Variants in BMPR1A observed in about 807,000 individuals in gnomAD.
BMPR1A encodes bone morphogenetic protein receptor type 1A, also known as bone morphogenetic protein receptor type-1A.
Under a neutral mutation model 66.0 loss-of-function variants are expected in BMPR1A, and 7 were observed. The observed-to-expected ratio is 0.11, with a 90% CI of 0.06 to 0.20. The LOEUF (loss-of-function observed/expected upper bound fraction) is 0.20. Ranked by LOEUF, BMPR1A falls within the 10% of genes least tolerant of loss-of-function variation. The pLI, the probability that BMPR1A is intolerant of heterozygous loss-of-function variation, is 1.00. For synonymous variants in BMPR1A, 200 were observed against 229.7 expected (o/e 0.87, Z 1.17); for missense variants, 408 against 669.1 (o/e 0.61, Z 4.31).
intron 2 of BMPR1A, among the ~76,000 whole-genome samples, chr10:86,851,609 GTTGGGAT>G (rs1192956560): frequency 2.0e-5 from 3 of 152,208 alleles, no homozygotes; most frequent in African/African-American, 7.2e-5. Context: ...AGCCTAATGA[GTTGGGAT>G]TGAGGATTGC....
intron 1 of BMPR1A, among the ~76,000 whole-genome samples, chr10:86,757,229 G>C (rs1474979738): frequency 6.6e-6 from 1 of 152,158 alleles, no homozygotes; most frequent in Non-Finnish European, 1.5e-5. Context: ...CCTTAAATGG[G>C]AAAGGCGCTC....
intron 2 of BMPR1A, chr10:86,843,566 G>C (rs1842450297): frequency 6.6e-6 from 1 of 152,206 alleles, no homozygotes; most frequent in Non-Finnish European, 1.5e-5. Flanking sequence ...CAAAAGTGAG[G>C]AATGCCACAG....
chr10:86,799,457 T>TTCCTTC (rs1841774865), intron 1 of BMPR1A, among the ~76,000 whole-genome samples: 6 of 144,230 alleles, frequency 4.2e-5, no homozygotes, highest in African/African-American at 1.6e-4. Flanking sequence ...ACATTTTCTT[T>TTCCTTC]CTTCCTTCCT....
In BMPR1A at chr10:86,758,698, T is replaced by G. The variant is rs7072166; in HGVS notation, c.-268+1779T>G. On this transcript the variant is annotated intron_variant, in intron 1 of 12. Coordinates refer to ENST00000372037, the MANE Select transcript of BMPR1A (RefSeq NM_004329.3). The stretch of plus-strand genomic sequence containing the variant: ...GTCATTCACAATCCATCTCTAGAGA[T>G]TGCCAAGTGTAGTCTGCTTTTCCTG... Among the ~76,000 whole-genome samples, 13,269 of 152,270 alleles carry G rather than the reference T, an allele frequency of 0.087. 1,499 individuals are homozygous for G. The highest frequency in any genetic ancestry group is 0.26 in the African/African-American group (10,821 of 41,504).
At chr10:86,766,872 G>A (rs1397871871) in intron 1 of BMPR1A, among the ~76,000 whole-genome samples, 3 of 149,370 alleles carry the variant, frequency 2.0e-5, no homozygotes, top group African/African-American at 4.9e-5. Context: ...CTGCCAGGCT[G>A]GAGTGCAGTG....
chr10:86,886,340 G>A (rs77908085), intron 3 of BMPR1A, among the ~76,000 whole-genome samples: 2,365 of 152,288 alleles, frequency 0.016, 66 homozygotes, highest in African/African-American at 0.055. Context: ...TTTATAAAAT[G>A]TCTCTGGCTG....
At chr10:86,776,269 T>G (rs1222083492) in intron 1 of BMPR1A, among the ~76,000 whole-genome samples, 1 of 152,038 alleles carries the variant, frequency 6.6e-6, no homozygotes, top group African/African-American at 2.4e-5. Flanking sequence ...CTGATGAGCA[T>G]AAATAATGCT....
At chr10:86,890,011 C>T in intron 3 of BMPR1A, 51 bp from the exon 4 acceptor site, 1 of 1,599,176 alleles carries the variant, frequency 6.3e-7, no homozygotes, top group Non-Finnish European at 8.6e-7. Flanking sequence ...TGTCACGAAA[C>T]AATGAGCTTT....
intron 2 of BMPR1A, among the ~76,000 whole-genome samples, chr10:86,861,734 G>A (rs1228968365): frequency 2.0e-5 from 3 of 152,202 alleles, no homozygotes; most frequent in Non-Finnish European, 4.4e-5. Flanking sequence ...CCTTTCTTAA[G>A]CCCTTTTAAT....
At position 86,870,272 on chromosome 10, in the gene BMPR1A, G is replaced by C. The variant is rs1297591788; in HGVS notation, c.-152-5595G>C. Among the ~76,000 whole-genome samples the C allele has an allele frequency of 3.3e-5, 5 of 152,132 alleles. No individual in the cohort carries two copies. The South Asian group carries it at 6.2e-4, about 19-fold the overall frequency. Reference sequence around the variant, plus strand: ...TAGACATTCCCTTTGGGTAATCTCAGATCTCTAAATTTGAACCTTTGATCT... The same window carrying C: ...TAGACATTCCCTTTGGGTAATCTCACATCTCTAAATTTGAACCTTTGATCT... On this transcript the variant is annotated intron_variant, in intron 2 of 12. Transcript: ENST00000372037.
intron 1 of BMPR1A, among the ~76,000 whole-genome samples, chr10:86,769,911 G>A (rs533651920): frequency 2.0e-5 from 3 of 148,768 alleles, no homozygotes; most frequent in East Asian, 2.0e-4. Context: ...CCTTCTTTTA[G>A]TTCAGGTGGG....
intron 1 of BMPR1A, among the ~76,000 whole-genome samples, chr10:86,811,757 G>A (rs1420426265): frequency 1.3e-5 from 2 of 152,098 alleles, no homozygotes; most frequent in African/African-American, 2.4e-5. Flanking sequence ...CTTCATTGGG[G>A]TTTGCAAATG....
At chr10:86,850,444 G>A (rs114796746) in intron 2 of BMPR1A, among the ~76,000 whole-genome samples, 16 of 152,162 alleles carry the variant, frequency 1.1e-4, no homozygotes, top group African/African-American at 2.2e-4. Flanking sequence ...TAGTGTACGC[G>A]CATGTCACCT....
At chr10:86,901,490 T>A (rs1843309867) in intron 7 of BMPR1A, among the ~76,000 whole-genome samples, 1 of 152,266 alleles carries the variant, frequency 6.6e-6, no homozygotes, top group Non-Finnish European at 1.5e-5. Flanking sequence ...CTCCATAGTA[T>A]AAACTGGTTG....
intron 3 of BMPR1A, among the ~76,000 whole-genome samples, chr10:86,881,746 A>G (rs1842989310): frequency 6.6e-6 from 1 of 152,238 alleles, no homozygotes; most frequent in Non-Finnish European, 1.5e-5. Context: ...CAATGTCTAC[A>G]AGTAAATCTC....
intron 2 of BMPR1A, among the ~76,000 whole-genome samples, chr10:86,863,584 C>T (rs1211460339): frequency 2.0e-5 from 3 of 152,248 alleles, no homozygotes; most frequent in South Asian, 2.1e-4. Context: ...CGATGTCTCC[C>T]GGGATCTGGC....
At chr10:86,853,572 T>C (rs2133195001) in intron 2 of BMPR1A, among the ~76,000 whole-genome samples, 1 of 150,922 alleles carries the variant, frequency 6.6e-6, no homozygotes, top group East Asian at 2.2e-4. Flanking sequence ...GCCCCGATAG[T>C]CATGTAGGTT....
At chr10:86,858,875 A>G (rs755193482) in intron 2 of BMPR1A, among the ~76,000 whole-genome samples, 1 of 152,182 alleles carries the variant, frequency 6.6e-6, no homozygotes, top group Non-Finnish European at 1.5e-5. Context: ...ATTCAATGCA[A>G]TCCCTATCAA....
At chr10:86,836,380 T>C (rs1842347652) in intron 1 of BMPR1A, among the ~76,000 whole-genome samples, 1 of 152,230 alleles carries the variant, frequency 6.6e-6, no homozygotes, top group Admixed American at 6.5e-5. Context: ...CTTTCCTGTG[T>C]CTTTTGTTTA....
Sources: gnomAD v4.1 joint callset for allele counts (sites outside exome capture counted in the v4.1 genomes callset) on GRCh38, gnomAD v4.1.1 for gene constraint, MANE v1.5 for transcripts, NCBI Gene and HGNC (gene_info 2026-07-23, HGNC 2026-07-21) for gene names.